DAB2IP: variants seen among roughly 807,000 people sequenced by gnomAD.
DAB2IP encodes the protein disabled homolog 2-interacting protein.
Under a neutral mutation model 107.2 loss-of-function variants are expected in DAB2IP, and 28 were observed. That is an observed-to-expected ratio of 0.26 (90% confidence interval 0.19 to 0.36). The LOEUF is 0.36. Ranked by LOEUF, DAB2IP falls within the 10% of genes least tolerant of loss-of-function variation. DAB2IP has a pLI of 1.00. For synonymous variants in DAB2IP, 755 were observed against 706.4 expected (o/e 1.07, Z -1.09); for missense variants, 1,400 against 1,644.7 (o/e 0.85, Z 2.57).
intron 10 of DAB2IP, among the ~76,000 whole-genome samples, chr9:121,770,216 T>C (rs573400913): frequency 6.6e-6 from 1 of 152,154 alleles, no homozygotes; most frequent in Admixed American, 6.5e-5. Context: ...GAGGTGGAGG[T>C]GTGGAAATGC....
Position 121,748,775 on chromosome 9 carries a change from A to G in DAB2IP, c.363-8238A>G, listed in dbSNP as rs1832892985. Reference sequence around the variant, plus strand: ...CGGGACACCAGGCCTCACAGCAAGCATGAGCTGTCCCATCCTCCTGTTTTG... The same window carrying G: ...CGGGACACCAGGCCTCACAGCAAGCGTGAGCTGTCCCATCCTCCTGTTTTG... On this transcript the variant is annotated intron_variant, in intron 3 of 15. Coordinates refer to ENST00000408936, the Ensembl canonical transcript of DAB2IP. Among the ~76,000 whole-genome samples the G allele has an allele frequency of 2.0e-5, 3 of 152,244 alleles. 1 individual carries two copies. The highest frequency in any genetic ancestry group is 4.1e-4 in the South Asian group (2 of 4,830).
At chr9:121,757,146 G>A (rs201351997) in exon 4 of DAB2IP, 1 of 1,614,092 alleles carries the variant, frequency 6.2e-7, no homozygotes, top group Non-Finnish European at 8.5e-7. Context: ...CAGCATCCTT[G>A]GCCAGGACTA....
intron 2 of DAB2IP, among the ~76,000 whole-genome samples, chr9:121,679,912 G>C (rs1446639405): frequency 1.3e-5 from 2 of 152,174 alleles, no homozygotes; most frequent in Non-Finnish European, 2.9e-5. Flanking sequence ...AGGTATGGAG[G>C]CACCCTAGAA....
At chr9:121,714,449 AG>A (rs1830488822) in intron 3 of DAB2IP, among the ~76,000 whole-genome samples, 1 of 152,228 alleles carries the variant, frequency 6.6e-6, no homozygotes, top group East Asian at 1.9e-4. Flanking sequence ...CCTGAGCAGC[AG>A]GGAGACAGGC....
chr9:121,711,162 T>C (rs1188882139), intron 3 of DAB2IP, among the ~76,000 whole-genome samples: 1 of 152,212 alleles, frequency 6.6e-6, no homozygotes, highest in African/African-American at 2.4e-5. Context: ...TGCTGCTTAT[T>C]GTTCAGAGCA....
At chr9:121,679,212 G>A (rs906773024) in intron 2 of DAB2IP, among the ~76,000 whole-genome samples, 41 of 152,068 alleles carry the variant, frequency 2.7e-4, no homozygotes, top group African/African-American at 9.6e-4. Flanking sequence ...TTTCTTGGTG[G>A]TACATAAAAT....
intron 1 of DAB2IP, among the ~76,000 whole-genome samples, chr9:121,597,423 C>T (rs968846471): frequency 3.9e-5 from 6 of 152,282 alleles, no homozygotes; most frequent in African/African-American, 1.4e-4. Context: ...AGTTTCCATA[C>T]CTGTATGGGT....
chr9:121,725,116 G>A (rs964995317), intron 3 of DAB2IP, among the ~76,000 whole-genome samples: 1 of 152,198 alleles, frequency 6.6e-6, no homozygotes, highest in Non-Finnish European at 1.5e-5. Flanking sequence ...GCTCAGGCCT[G>A]GCCCGGCTTC....
Position 121,782,970 on chromosome 9 carries a change from T to C in DAB2IP, c.*472T>C, listed in dbSNP as rs939748586. On this transcript the variant is annotated 3_prime_UTR_variant, in exon 16 of 16. Coordinates refer to ENST00000408936, the Ensembl canonical transcript of DAB2IP. This position sits in a 1 kb window ranked among gnomAD's most constrained non-coding sequence, Gnocchi z 6.1. ...ACTCCCTGGCAGCCAGGCCCTGTCATGTGGGACCTGGCACTTGGCAGATCA... is the reference window on the plus strand; with the variant it reads ...ACTCCCTGGCAGCCAGGCCCTGTCACGTGGGACCTGGCACTTGGCAGATCA... The C allele has an allele frequency of 3.9e-6, 4 of 1,019,572 alleles. No homozygotes were observed. Among genetic ancestry groups the C allele is most frequent in the Non-Finnish European group, 4.7e-6 (4 of 850,550 alleles). The allele number at this position is 1,019,572 out of a possible 1,614,324, so 63.2% of individuals were successfully genotyped here.
chr9:121,743,717 G>A (rs760250152), intron 3 of DAB2IP, among the ~76,000 whole-genome samples: 2 of 152,220 alleles, frequency 1.3e-5, no homozygotes, highest in African/African-American at 2.4e-5. Flanking sequence ...GAGGGATGGT[G>A]AGTGGCCTGA....
At chr9:121,603,527 T>G (rs933610581) in intron 1 of DAB2IP, among the ~76,000 whole-genome samples, 2 of 152,138 alleles carry the variant, frequency 1.3e-5, no homozygotes, top group African/African-American at 4.8e-5. Flanking sequence ...GGAGCGGTGA[T>G]AAGAGTCAGG....
chr9:121,751,448 T>C (rs1188397390), intron 3 of DAB2IP: 1 of 152,778 alleles, frequency 6.5e-6, no homozygotes, highest in African/African-American at 2.4e-5. Context: ...GAGCTGTCTG[T>C]CTGGAGAGAC....
chr9:121,668,004 C>A (rs1307694438), intron 1 of DAB2IP, among the ~76,000 whole-genome samples: 2 of 152,070 alleles, frequency 1.3e-5, no homozygotes, highest in Non-Finnish European at 2.9e-5. Flanking sequence ...ACCAGAAACC[C>A]CTGATAAACC....
intron 1 of DAB2IP, among the ~76,000 whole-genome samples, chr9:121,658,145 C>G (rs1245502848): frequency 9.2e-5 from 14 of 152,192 alleles, no homozygotes; most frequent in Admixed American, 9.2e-4. Context: ...TTGACACAAA[C>G]ACGCTCACAT....
chr9:121,601,237 G>A (rs1270238791), intron 1 of DAB2IP, among the ~76,000 whole-genome samples: 1 of 152,144 alleles, frequency 6.6e-6, no homozygotes, highest in East Asian at 1.9e-4. Flanking sequence ...CAGCATGATG[G>A]GGAAAAGGGC....
intron 3 of DAB2IP, among the ~76,000 whole-genome samples, chr9:121,754,927 T>C (rs1833373467): frequency 1.3e-5 from 2 of 152,086 alleles, no homozygotes; most frequent in East Asian, 1.9e-4. Context: ...CCTCCCTGGC[T>C]CCCAGCATCC....
intron 1 of DAB2IP, among the ~76,000 whole-genome samples, chr9:121,632,347 C>T (rs922580947): frequency 6.3e-4 from 96 of 152,136 alleles, no homozygotes; most frequent in African/African-American, 2.1e-3. Context: ...TGTTTATTAC[C>T]GGTGATAAAA....
exon 12 of DAB2IP, chr9:121,773,185 C>G (rs1245631797): frequency 6.3e-7 from 1 of 1,591,872 alleles, no homozygotes; most frequent in Admixed American, 1.7e-5. Context: ...GCTCGGCGGC[C>G]CGGTGAGCTG....
intron 3 of DAB2IP, chr9:121,751,154 GTGGACCTTTCCCCCTGCCCGGCTGCTA>G (rs1452150028): frequency 5.0e-4 from 95 of 191,400 alleles, no homozygotes; most frequent in African/African-American, 2.3e-3. Flanking sequence ...CCCGGCTGCT[GTGGACCTTTCCCCCTGCCCGGCTGCTA>G]TGGACCTTTC....
Sources: allele counts gnomAD v4.1 joint callset (sites outside exome capture counted in the v4.1 genomes callset), GRCh38; gene constraint gnomAD v4.1.1; non-coding constraint Gnocchi (gnomAD v3.1); transcripts MANE v1.5; gene names NCBI Gene and HGNC (gene_info 2026-07-23, HGNC 2026-07-21).